The following RNF10 variants were observed in gnomAD, a reference collection of about 807,000 sequenced individuals.
RNF10 encodes the protein E3 ubiquitin-protein ligase RNF10.
A neutral mutation model predicts 91.4 loss-of-function variants in RNF10; 38 were observed. That is an observed-to-expected ratio of 0.42 (90% confidence interval 0.32 to 0.54). The LOEUF (loss-of-function observed/expected upper bound fraction) is 0.54. RNF10 is among the 20% of genes least tolerant of loss of function. The pLI is 0.16. For synonymous variants in RNF10, 364 were observed against 366.3 expected (o/e 0.99, Z 0.07); for missense variants, 945 against 1,012.0 (o/e 0.93, Z 0.90).
intron 2 of RNF10, among the ~76,000 whole-genome samples, chr12:120,548,090 A>G (rs917489335): frequency 5.9e-5 from 9 of 152,256 alleles, no homozygotes; most frequent in African/African-American, 2.2e-4. Context: ...AATGGAGAAC[A>G]TTCTTTCAAG....
At chr12:120,539,430 G>A (rs1466916549) in intron 1 of RNF10, 2 of 1,288,880 alleles carry the variant, frequency 1.6e-6, no homozygotes, top group Admixed American at 2.3e-5. Flanking sequence ...GCCATATGTT[G>A]CCCCTCTGGA....
rs572224223 is a variant in RNF10, at chr12:120,553,802, C to T, written c.555-916C>T. On this transcript the variant is annotated intron_variant, in intron 3 of 16. Coordinates refer to ENST00000325954, the MANE Select transcript of RNF10 (RefSeq NM_014868.5). ...CCCCTTTTGTTTCCTTTTGTGTGGC[C>T]CTAGTCATAATTGAAGATTTGACTT... 4 of 152,074 alleles carry T rather than the reference C, an allele frequency of 2.6e-5. No individual in the cohort carries two copies. In the South Asian group the frequency reaches 8.3e-4, roughly 32 times the overall value. 9.4% of individuals were successfully genotyped at this position (152,074 alleles called of 1,614,324 possible).
At chr12:120,572,646 A>C (rs1347731661) in intron 14 of RNF10, among the ~76,000 whole-genome samples, 9 of 152,064 alleles carry the variant, frequency 5.9e-5, no homozygotes, top group East Asian at 1.9e-4. Flanking sequence ...CCAAGGCTGG[A>C]GTGCAATGGC....
chr12:120,576,784 G>T lies in RNF10; in HGVS notation c.*118G>T. 1 of 1,407,344 alleles carries T rather than the reference G, an allele frequency of 7.1e-7. No homozygotes were observed. The highest frequency in any genetic ancestry group is 9.6e-7 in the Non-Finnish European group (1 of 1,040,264). The allele number at this position is 1,407,344 out of a possible 1,614,324, so 87.2% of individuals were successfully genotyped here. On this transcript the variant is annotated 3_prime_UTR_variant, in exon 17 of 17. Coordinates refer to ENST00000325954, the MANE Select transcript of RNF10 (RefSeq NM_014868.5). Reference sequence around the variant, plus strand: ...TTGAGTTTGAACAGATTAGCTCTGGGGGGAGGGGGTTTCCACAATGTGAGG... The same window carrying T: ...TTGAGTTTGAACAGATTAGCTCTGGTGGGAGGGGGTTTCCACAATGTGAGG...
chr12:120,534,570 C>G lies in RNF10; in HGVS notation c.-242C>G, dbSNP rs1870441962. ...CCCGCAGCCTCCGCCCCGCCAGGCCCGGCCCGGACTCCCGAGCCCCGGCCT... is the reference window on the plus strand; with the variant it reads ...CCCGCAGCCTCCGCCCCGCCAGGCCGGGCCCGGACTCCCGAGCCCCGGCCT... On this transcript the variant is annotated 5_prime_UTR_variant, in exon 1 of 17. Coordinates refer to ENST00000325954, the MANE Select transcript of RNF10 (RefSeq NM_014868.5). The G allele has an allele frequency of 1.5e-5, 13 of 869,812 alleles. No individual in the cohort carries two copies. The highest frequency in any genetic ancestry group is 2.0e-5 in the Non-Finnish European group (13 of 654,454). The allele number at this position is 869,812 out of a possible 1,614,324, so 53.9% of individuals were successfully genotyped here. A position where few individuals can be genotyped will look rare whatever the true frequency, so the allele number is the denominator to read the frequency against.
intron 1 of RNF10, among the ~76,000 whole-genome samples, chr12:120,539,645 C>T (rs569475848): frequency 3.9e-5 from 6 of 152,136 alleles, no homozygotes; most frequent in Non-Finnish European, 7.3e-5. Context: ...CTGAGATATA[C>T]CTACTGCTAC....
At chr12:120,556,728 T>A (rs2137198061) in intron 4 of RNF10, among the ~76,000 whole-genome samples, 1 of 152,150 alleles carries the variant, frequency 6.6e-6, no homozygotes, top group South Asian at 2.1e-4. Context: ...CATATTAAGT[T>A]TTTTTATAAA....
intron 6 of RNF10, among the ~76,000 whole-genome samples, chr12:120,559,637 C>G (rs778228394): frequency 6.6e-6 from 1 of 152,058 alleles, no homozygotes; most frequent in East Asian, 1.9e-4. Context: ...CCTACCTCAG[C>G]CTCCCAAAGT....
At chr12:120,556,910 T>C (rs118185033) in intron 4 of RNF10, among the ~76,000 whole-genome samples, 2,078 of 151,962 alleles carry the variant, frequency 0.014, 17 homozygotes, top group Non-Finnish European at 0.022. Flanking sequence ...TCCAGGACTT[T>C]GGGAGGCCGA....
At chr12:120,541,903 G>C (rs1368962270) in intron 1 of RNF10, among the ~76,000 whole-genome samples, 1 of 150,560 alleles carries the variant, frequency 6.6e-6, no homozygotes, top group East Asian at 2.0e-4. Context: ...GTCTCACTGT[G>C]TCTCCCAGGC....
Position 120,547,512 on chromosome 12 carries a change from T to G in RNF10, c.354+911T>G, listed in dbSNP as rs1872508630. ...TCTTACTATGTTGTCTAGGCTGCTC[T>G]TGAACTCCTGGCCTTAAGCAATCCT... On this transcript the variant is annotated intron_variant, in intron 2 of 16. Coordinates refer to ENST00000325954, the MANE Select transcript of RNF10 (RefSeq NM_014868.5). Among the ~76,000 whole-genome samples the G allele has an allele frequency of 3.3e-5, 5 of 152,204 alleles. No homozygotes were observed. The South Asian group carries it at 1.0e-3, about 32-fold the overall frequency.
In RNF10 at chr12:120,534,705, C is replaced by G; in HGVS notation, c.-107C>G. On this transcript the variant is annotated 5_prime_UTR_variant, in exon 1 of 17. Coordinates refer to ENST00000325954, the MANE Select transcript of RNF10 (RefSeq NM_014868.5). Reference sequence around the variant, plus strand: ...CAGGGAAAAATGTCGCCATGAAGGCCGAGAACCGCTGCCGCCGCCGACCCC... The same window carrying G: ...CAGGGAAAAATGTCGCCATGAAGGCGGAGAACCGCTGCCGCCGCCGACCCC... 1.4e-6 allele frequency: 2 copies of G among 1,401,936 alleles called. No individual in the cohort carries two copies. Among genetic ancestry groups the G allele is most frequent in the African/African-American group, 1.5e-5 (1 of 65,374 alleles). 86.8% of individuals were successfully genotyped at this position (1,401,936 alleles called of 1,614,324 possible).
Position 120,577,010 on chromosome 12 carries a change from C to A in RNF10, c.*344C>A. 1 of 368,540 alleles carries A rather than the reference C, an allele frequency of 2.7e-6. No homozygotes were observed. The highest frequency in any genetic ancestry group is 5.2e-6 in the Non-Finnish European group (1 of 192,018). The allele number at this position is 368,540 out of a possible 1,614,324, so 22.8% of individuals were successfully genotyped here. A position where few individuals can be genotyped will look rare whatever the true frequency, so the allele number is the denominator to read the frequency against. Reference sequence around the variant, plus strand: ...TTGAGATGCATTAGAGCAGTCCAACCCAGAATGGCACACACTGCTCTGCTG... The same window carrying A: ...TTGAGATGCATTAGAGCAGTCCAACACAGAATGGCACACACTGCTCTGCTG... On this transcript the variant is annotated 3_prime_UTR_variant, in exon 17 of 17. Transcript: ENST00000325954.
At chr12:120,550,880 G>A (rs1872946933) in intron 2 of RNF10, among the ~76,000 whole-genome samples, 1 of 152,182 alleles carries the variant, frequency 6.6e-6, no homozygotes, top group Admixed American at 6.5e-5. Context: ...ACAGGCATGA[G>A]CCACCACACC....
rs1870456801 is a variant in RNF10 at position 120,534,641 on chromosome 12, G to A, written c.-171G>A. ...GCCGCCGGGCTTAACAGCCCCGTCC[G>A]CCGCTTCTCTTCCTAGTTTGAGAAG... On this transcript the variant is annotated 5_prime_UTR_variant, in exon 1 of 17. Transcript: ENST00000325954. 7 of 1,341,156 alleles carry A rather than the reference G, an allele frequency of 5.2e-6. No homozygotes were observed. Among genetic ancestry groups the A allele is most frequent in the Non-Finnish European group, 5.7e-6 (6 of 1,051,680 alleles). 83.1% of individuals were successfully genotyped at this position (1,341,156 alleles called of 1,614,324 possible).
Position 120,546,001 on chromosome 12 carries a change from A to G in RNF10, c.158-404A>G, listed in dbSNP as rs150874060. Among the ~76,000 whole-genome samples the G allele has an allele frequency of 1.0e-3, 152 of 152,346 alleles. 1 individual carries two copies. The highest frequency in any genetic ancestry group is 3.4e-3 in the African/African-American group (142 of 41,586). On this transcript the variant is annotated intron_variant, in intron 1 of 16. Transcript: ENST00000325954. ...TTGTAGTATAGAATCTGGTTATGTT[A>G]TAGTAATTTAAAAAGGAATCTCTTC...
chr12:120,573,885 G>T (rs1877019354), intron 14 of RNF10, among the ~76,000 whole-genome samples: 1 of 152,218 alleles, frequency 6.6e-6, no homozygotes, highest in Non-Finnish European at 1.5e-5. Context: ...AGGCTGGAGT[G>T]CCCAGGGTTG....
At chr12:120,535,554 G>T (rs1418660451) in intron 1 of RNF10, 1 of 152,108 alleles carries the variant, frequency 6.6e-6, no homozygotes, top group Non-Finnish European at 1.5e-5. Context: ...TGAGTGCCCC[G>T]AGTTTACTTA....
intron 3 of RNF10, among the ~76,000 whole-genome samples, chr12:120,553,449 C>CTGGAGTG (rs1426952074): frequency 1.4e-5 from 2 of 143,652 alleles, no homozygotes; most frequent in East Asian, 4.1e-4. Flanking sequence ...GTCACCCAGG[C>CTGGAGTG]TGGAGTGCAG....
Sources: allele counts gnomAD v4.1 joint callset (sites outside exome capture counted in the v4.1 genomes callset), GRCh38; gene constraint gnomAD v4.1.1; transcripts MANE v1.5; gene names NCBI Gene and HGNC (gene_info 2026-07-23, HGNC 2026-07-21).